The following RALGPS2 variants were observed in gnomAD, a reference collection of about 807,000 sequenced individuals.
The protein encoded by RALGPS2 is Ral GEF with PH domain and SH3 binding motif 2.
RALGPS2 carries 43 observed loss-of-function variants against 86.8 expected under a neutral mutation model. The ratio of observed to expected loss-of-function variants is 0.50; its 90% CI spans 0.39 to 0.64. RALGPS2 has a LOEUF of 0.64. Among genes scored for constraint, RALGPS2 ranks in the 30% least tolerant of loss-of-function variants. The probability of loss-of-function intolerance (pLI) is 0.00; values close to 1 mark genes in which losing one functional copy is unlikely to be tolerated. For missense variants in RALGPS2, 536 were observed against 694.6 expected (o/e 0.77, Z 2.57); for synonymous variants, 243 against 231.3 (o/e 1.05, Z -0.46).
At chr1:178,882,370 A>G (rs1659292534) in intron 10 of RALGPS2, among the ~76,000 whole-genome samples, 1 of 152,212 alleles carries the variant, frequency 6.6e-6, no homozygotes, top group Admixed American at 6.5e-5. Flanking sequence ...ACAGTGCCCA[A>G]CACAAGTGTT....
intron 4 of RALGPS2, 22 bp downstream of exon 4, chr1:178,785,629 C>A: frequency 1.9e-6 from 3 of 1,550,364 alleles, no homozygotes; most frequent in Non-Finnish European, 1.7e-6. Flanking sequence ...TGAGAATGTT[C>A]CTTTTAAATA....
At chr1:178,872,299 A>G (rs926505016) in intron 8 of RALGPS2, among the ~76,000 whole-genome samples, 2 of 152,220 alleles carry the variant, frequency 1.3e-5, no homozygotes, top group Non-Finnish European at 2.9e-5. Flanking sequence ...TATGCCATAT[A>G]TAGGTATACC....
At chr1:178,881,464 C>T (rs977210139) in intron 10 of RALGPS2, among the ~76,000 whole-genome samples, 12 of 152,000 alleles carry the variant, frequency 7.9e-5, no homozygotes, top group Non-Finnish European at 1.6e-4. Context: ...TTTTCTTTTT[C>T]TTGGAGACGG....
chr1:178,811,204 C>A, intron 5 of RALGPS2, 111 bp from the exon 6 acceptor site: 1 of 668,532 alleles, frequency 1.5e-6, no homozygotes, highest in Non-Finnish European at 2.4e-6. Flanking sequence ...GCACCTTTAA[C>A]AATGTTTAAT....
intron 1 of RALGPS2, among the ~76,000 whole-genome samples, chr1:178,765,411 A>G (rs567859895): frequency 1.3e-5 from 2 of 152,268 alleles, no homozygotes; most frequent in South Asian, 2.1e-4. Context: ...AGTTTTTATT[A>G]GTGATTTTCA....
At chr1:178,901,519 AAAT>A (rs1660173221) in intron 17 of RALGPS2, among the ~76,000 whole-genome samples, 1 of 152,042 alleles carries the variant, frequency 6.6e-6, no homozygotes, top group Non-Finnish European at 1.5e-5. Flanking sequence ...GTTGTAGCTA[AAAT>A]AATAATAAAA....
intron 4 of RALGPS2, among the ~76,000 whole-genome samples, chr1:178,792,006 A>G (rs1187520644): frequency 1.3e-5 from 2 of 152,244 alleles, no homozygotes; most frequent in Non-Finnish European, 2.9e-5. Context: ...AAAATACTGG[A>G]TAAGTAAAAT....
chr1:178,778,654 A>G (rs547190452), intron 2 of RALGPS2, among the ~76,000 whole-genome samples: 1 of 130,774 alleles, frequency 7.6e-6, no homozygotes, highest in Admixed American at 8.1e-5. Context: ...CAAATGTCCA[A>G]CAATGATAGA....
intron 17 of RALGPS2, 31 bp downstream of exon 17, chr1:178,897,787 G>A: frequency 1.9e-6 from 3 of 1,568,988 alleles, no homozygotes; most frequent in Non-Finnish European, 2.6e-6. Flanking sequence ...TTTTTAGCGT[G>A]GTTTCCCAGA....
intron 14 of RALGPS2, 61 bp downstream of exon 14, chr1:178,889,757 A>T: frequency 8.2e-7 from 1 of 1,216,286 alleles, no homozygotes; most frequent in Non-Finnish European, 1.2e-6. Context: ...AAATAATATA[A>T]TACAAATTTT....
chr1:178,793,822 A>G (rs764623775), intron 4 of RALGPS2, among the ~76,000 whole-genome samples: 1 of 152,134 alleles, frequency 6.6e-6, no homozygotes, highest in Non-Finnish European at 1.5e-5. Flanking sequence ...TATCCACCCA[A>G]TGTGACTTTT....
rs73039807 is a variant in RALGPS2, at chr1:178,823,589, A to G, written c.480+1885A>G. 6.3e-3 allele frequency among the ~76,000 whole-genome samples: 962 copies of G among 152,338 alleles called. 10 individuals carry two copies. The highest frequency in any genetic ancestry group is 0.019 in the African/African-American group (793 of 41,572). ...GGATATCTGGGAGAAGAGAATTCCA[A>G]GTAGAGGTAATAACAAGTAAAAAGG... On this transcript the variant is annotated intron_variant, in intron 7 of 19. Coordinates refer to ENST00000367635, the MANE Select transcript of RALGPS2 (RefSeq NM_152663.5).
intron 1 of RALGPS2, among the ~76,000 whole-genome samples, chr1:178,759,390 T>A (rs1414530941): frequency 2.0e-5 from 3 of 152,096 alleles, no homozygotes; most frequent in Non-Finnish European, 4.4e-5. Flanking sequence ...TTACTGTAGG[T>A]GTGTGGATTT....
chr1:178,833,570 G>T lies in RALGPS2; in HGVS notation c.607+20G>T, dbSNP rs756719026. ...ATTTAGGTGAGTTATGTCACTGTGT[G>T]TTTTTTGTTTCTAGTTGTTACTCTT... On this transcript the variant is annotated intron_variant, in intron 8 of 19. Transcript: ENST00000367635. 6.6e-7 allele frequency: 1 copy of T among 1,519,386 alleles called. No homozygotes were observed. The highest frequency in any genetic ancestry group is 8.7e-7 in the Non-Finnish European group (1 of 1,146,244). 94.1% of individuals were successfully genotyped at this position (1,519,386 alleles called of 1,614,324 possible). A position where few individuals can be genotyped will look rare whatever the true frequency, so the allele number is the denominator to read the frequency against.
intron 6 of RALGPS2, among the ~76,000 whole-genome samples, chr1:178,814,756 C>A (rs1320394501): frequency 6.6e-6 from 1 of 152,036 alleles, no homozygotes; most frequent in East Asian, 1.9e-4. Context: ...GTCCCCTCGT[C>A]TCTTTAGCTT....
intron 2 of RALGPS2, among the ~76,000 whole-genome samples, chr1:178,780,030 G>C (rs572534519): frequency 6.6e-6 from 1 of 152,144 alleles, no homozygotes; most frequent in Non-Finnish European, 1.5e-5. Flanking sequence ...CACTGCATCC[G>C]GCCAATGTGT....
At chr1:178,745,311 A>C (rs997306155) in intron 1 of RALGPS2, among the ~76,000 whole-genome samples, 2 of 152,238 alleles carry the variant, frequency 1.3e-5, no homozygotes, top group Non-Finnish European at 2.9e-5. Context: ...AGGACGTAGA[A>C]TAGCCAAAAC....
intron 18 of RALGPS2, 112 bp from the exon 19 acceptor site, chr1:178,906,664 T>C: frequency 1.3e-6 from 1 of 763,198 alleles, no homozygotes; most frequent in Non-Finnish European, 2.1e-6. Flanking sequence ...TTGAATAGAA[T>C]TCTAAAACTG....
At chr1:178,820,092 A>G (rs1439658221) in intron 6 of RALGPS2, among the ~76,000 whole-genome samples, 1 of 152,182 alleles carries the variant, frequency 6.6e-6, no homozygotes, top group Admixed American at 6.5e-5. Flanking sequence ...CACACTTAAT[A>G]TTTTTGGAGC....
Sources: gnomAD v4.1 joint callset for allele counts (sites outside exome capture counted in the v4.1 genomes callset) on GRCh38, gnomAD v4.1.1 for gene constraint, MANE v1.5 for transcripts, NCBI Gene and HGNC (gene_info 2026-07-23, HGNC 2026-07-21) for gene names.